UGT1A9: variants seen among roughly 807,000 people sequenced by gnomAD.
The protein encoded by UGT1A9 is UDP glucuronosyltransferase family 1 member A9.
In UGT1A9, 35 loss-of-function variants were observed where a neutral mutation model predicts 45.0. That is an observed-to-expected ratio of 0.78 (90% CI 0.59 to 1.03). UGT1A9 has a LOEUF of 1.03. Among genes scored for constraint, UGT1A9 ranks in the 50% least tolerant of loss-of-function variants. The pLI is 0.00. For synonymous variants in UGT1A9, 278 were observed against 250.6 expected (o/e 1.11, Z -1.03); for missense variants, 687 against 666.6 (o/e 1.03, Z -0.34).
At chr2:233,713,195 C>T in intron 1 of UGT1A9, 4 of 1,614,230 alleles carry the variant, frequency 2.5e-6, no homozygotes, top group South Asian at 2.2e-5. Flanking sequence ...TGAATATGTA[C>T]ATCAAAGAAG....
intron 1 of UGT1A9, chr2:233,741,740 C>G (rs1158976781): frequency 1.3e-5 from 2 of 151,864 alleles, no homozygotes; most frequent in Admixed American, 6.6e-5. Flanking sequence ...CCATATCACA[C>G]TCTTTGTTGG....
chr2:233,693,521 G>T (rs563235726), intron 1 of UGT1A9: 7 of 1,614,156 alleles, frequency 4.3e-6, no homozygotes, highest in Admixed American at 1.7e-5. Flanking sequence ...CCTCTTCAGG[G>T]GTTTTCCGTG....
intron 1 of UGT1A9, chr2:233,743,521 C>T (rs777952241): frequency 4.4e-6 from 6 of 1,367,160 alleles, no homozygotes; most frequent in Non-Finnish European, 5.9e-6. Flanking sequence ...TCTGCTTCTG[C>T]TTCCCCAGCA....
rs1367323954 is a variant in UGT1A9, at chr2:233,708,042, G to A, written c.855+35253G>A. ...TAGTTCTTTGGCAGTTATAGATATT[G>A]CAAATATCTTCCCCCACTCTGCATC... is the stretch of plus-strand genomic sequence containing the variant. On this transcript the variant is annotated intron_variant, in intron 1 of 4. Transcript: ENST00000354728. Among the ~76,000 whole-genome samples, 5 of 152,100 alleles carry A rather than the reference G, an allele frequency of 3.3e-5. No homozygotes were observed. The South Asian group carries it at 6.2e-4, about 19-fold the overall frequency.
intron 1 of UGT1A9, among the ~76,000 whole-genome samples, chr2:233,685,381 G>C (rs1450820736): frequency 1.3e-5 from 2 of 152,102 alleles, no homozygotes; most frequent in Non-Finnish European, 2.9e-5. Flanking sequence ...CACTTTTCTT[G>C]ACTTGTTGGT....
intron 1 of UGT1A9, chr2:233,761,042 C>G: frequency 6.2e-7 from 1 of 1,614,180 alleles, no homozygotes; most frequent in Non-Finnish European, 8.5e-7. Flanking sequence ...AGCTCTGCAT[C>G]TGTCTGGCTG....
intron 1 of UGT1A9, among the ~76,000 whole-genome samples, chr2:233,731,040 C>T (rs1274870309): frequency 2.6e-5 from 4 of 152,166 alleles, no homozygotes; most frequent in African/African-American, 9.7e-5. Flanking sequence ...ATGTCATATT[C>T]ACCGAATGTG....
At chr2:233,707,538 CTTTT>C (rs753963758) in intron 1 of UGT1A9, among the ~76,000 whole-genome samples, 2 of 127,006 alleles carry the variant, frequency 1.6e-5, no homozygotes, top group African/African-American at 5.8e-5. Context: ...TTTGTCTTGC[CTTTT>C]TTTTTTTTTT....
chr2:233,738,821 A>G (rs1039985874), intron 1 of UGT1A9: 3 of 152,270 alleles, frequency 2.0e-5, no homozygotes, highest in African/African-American at 7.2e-5. Context: ...AATTTGAATA[A>G]ATAAGGAGGA....
At chr2:233,767,000 A>C (rs750045241) in intron 1 of UGT1A9, 34 bp from the exon 2 acceptor site, 2 of 1,613,618 alleles carry the variant, frequency 1.2e-6, no homozygotes, top group Non-Finnish European at 1.7e-6. Flanking sequence ...GAATATGAGA[A>C]AAAATTAACT....
intron 1 of UGT1A9, among the ~76,000 whole-genome samples, chr2:233,726,869 C>T (rs1231385710): frequency 3.3e-5 from 5 of 152,180 alleles, no homozygotes; most frequent in African/African-American, 9.7e-5. Flanking sequence ...CTTCTATTCT[C>T]CAGGCTTCAG....
intron 1 of UGT1A9, chr2:233,743,969 G>T: frequency 1.5e-6 from 2 of 1,324,976 alleles, no homozygotes; most frequent in Admixed American, 2.1e-5. Flanking sequence ...CGGCAAGGCT[G>T]CCAGCACCCA....
intron 1 of UGT1A9, among the ~76,000 whole-genome samples, chr2:233,694,733 T>G (rs1314036348): frequency 1.3e-5 from 2 of 152,174 alleles, no homozygotes; most frequent in African/African-American, 4.8e-5. Flanking sequence ...TGTTAACAAT[T>G]TGAACAGTTG....
chr2:233,746,424 C>G (rs1693388244), intron 1 of UGT1A9, among the ~76,000 whole-genome samples: 1 of 151,702 alleles, frequency 6.6e-6, no homozygotes, highest in African/African-American at 2.4e-5. Flanking sequence ...GACCTATTAA[C>G]TTATGTCTTC....
Position 233,767,922 on chromosome 2 carries a change from A to G in UGT1A9, c.1061A>G (p.Gln354Arg), listed in dbSNP as rs72551351. The G allele has an allele frequency of 6.2e-7, 1 of 1,614,240 alleles. No individual in the cohort carries two copies. The highest frequency in any genetic ancestry group is 1.1e-5 in the South Asian group (1 of 91,086). ...ACGATACTTGTTAAGTGGCTACCCC[A>G]AAACGATCTGCTTGGTATGTTGGGC... ...NNTILVKWLP[Q>R]NDLLGHPMTR... Residue 354 changes from glutamine (Q) to arginine (R), a missense_variant, in exon 3 of 5, where the codon CAA (glutamine) becomes CGA (arginine). Physicochemically the swap from Gln to Arg is conservative, Grantham distance 43. Transcript: ENST00000354728.
At chr2:233,759,469 A>G (rs1187872464) in intron 1 of UGT1A9, among the ~76,000 whole-genome samples, 5 of 152,280 alleles carry the variant, frequency 3.3e-5, no homozygotes, top group Admixed American at 2.6e-4. Flanking sequence ...CTCAAGATCT[A>G]TCTTACAGGA....
At chr2:233,705,805 A>G (rs752228556) in intron 1 of UGT1A9, among the ~76,000 whole-genome samples, 1 of 152,190 alleles carries the variant, frequency 6.6e-6, no homozygotes, top group Admixed American at 6.5e-5. Flanking sequence ...TTCAAAAATT[A>G]TTAAGAATTT....
chr2:233,738,486 T>C (rs1260702507), intron 1 of UGT1A9, among the ~76,000 whole-genome samples: 1 of 152,220 alleles, frequency 6.6e-6, no homozygotes, highest in Non-Finnish European at 1.5e-5. Flanking sequence ...GGAGACTTGT[T>C]GAACGGTTTT....
intron 1 of UGT1A9, chr2:233,760,693 C>T (rs1697531217): frequency 1.9e-6 from 3 of 1,614,162 alleles, no homozygotes; most frequent in Non-Finnish European, 2.5e-6. Flanking sequence ...CAACAAGGAG[C>T]TCATGGCCTC....
Sources: allele counts gnomAD v4.1 joint callset (sites outside exome capture counted in the v4.1 genomes callset), GRCh38; gene constraint gnomAD v4.1.1; transcripts MANE v1.5; gene names NCBI Gene and HGNC (gene_info 2026-07-23, HGNC 2026-07-21).